Variants in WDR25 observed in about 807,000 individuals in gnomAD.
The protein encoded by WDR25 is WD repeat domain 25, also known as WD repeat-containing protein 25.
A neutral mutation model predicts 47.7 loss-of-function variants in WDR25; 35 were observed. That is an observed-to-expected ratio of 0.73 (90% CI 0.56 to 0.97). The LOEUF (loss-of-function observed/expected upper bound fraction) is 0.97. WDR25 is among the 50% of genes least tolerant of loss of function. The probability of loss-of-function intolerance (pLI) is 0.00; values close to 1 mark genes in which losing one functional copy is unlikely to be tolerated. For synonymous variants in WDR25, 248 were observed against 278.9 expected, an observed-to-expected ratio of 0.89 and a Z score of 1.10; for missense variants, 634 against 704.7, an observed-to-expected ratio of 0.90 and a Z score of 1.14.
chr14:100,398,888 AGCCTT>A (rs1897316156), intron 2 of WDR25, among the ~76,000 whole-genome samples: 1 of 150,890 alleles, frequency 6.6e-6, no homozygotes, highest in Admixed American at 6.6e-5. Flanking sequence ...AGGAGACCAG[AGCCTT>A]GAAGCTACAG....
intron 2 of WDR25, among the ~76,000 whole-genome samples, chr14:100,390,614 C>T (rs1486076336): frequency 6.6e-6 from 1 of 152,206 alleles, no homozygotes; most frequent in Non-Finnish European, 1.5e-5. Context: ...TGCTGCCAGC[C>T]TTCCGGCATC....
At chr14:100,414,248 G>A (rs192401917) in intron 2 of WDR25, among the ~76,000 whole-genome samples, 2 of 151,018 alleles carry the variant, frequency 1.3e-5, no homozygotes, top group Admixed American at 1.3e-4. Flanking sequence ...CGCCTGCCTT[G>A]GCCTCCCAAA....
At chr14:100,402,529 A>G (rs1897410960) in intron 2 of WDR25, among the ~76,000 whole-genome samples, 2 of 152,134 alleles carry the variant, frequency 1.3e-5, no homozygotes, top group Admixed American at 6.5e-5. Context: ...GCCAGGGGCC[A>G]GGGGTCCAAA....
chr14:100,497,806 C>A (rs1277347273), intron 4 of WDR25, among the ~76,000 whole-genome samples: 5 of 152,206 alleles, frequency 3.3e-5, no homozygotes, highest in African/African-American at 7.2e-5. Flanking sequence ...CCAAGCCCGA[C>A]TGGATTGTGT....
chr14:100,459,927 TATATATATATATACAC>T (rs1393417813), intron 2 of WDR25, among the ~76,000 whole-genome samples: 14 of 79,482 alleles, frequency 1.8e-4, no homozygotes, highest in African/African-American at 6.4e-4. Context: ...TATATATATA[TATATATATATATACAC>T]ATACACATAC....
rs776281569 is a variant in WDR25, at chr14:100,380,921, T to C, written c.-4T>C. On this transcript the variant is annotated 5_prime_UTR_variant, in exon 2 of 7. Transcript: ENST00000402312. ...TTGTTTGATCTTAGGTGGTTTGGCT[T>C]TGAATGACAGCAAGAACTCTGTCTT... The C allele has an allele frequency of 6.2e-7, 1 of 1,608,754 alleles. No homozygotes were observed. The highest frequency in any genetic ancestry group is 8.5e-7 in the Non-Finnish European group (1 of 1,175,494).
chr14:100,400,712 C>T (rs947006902), intron 2 of WDR25, among the ~76,000 whole-genome samples: 1 of 152,308 alleles, frequency 6.6e-6, no homozygotes, highest in African/African-American at 2.4e-5. Context: ...GGTCTTTCTG[C>T]ACTGGGGTCT....
intron 4 of WDR25, among the ~76,000 whole-genome samples, chr14:100,505,994 G>A (rs149889751): frequency 7.9e-4 from 121 of 152,228 alleles, no homozygotes; most frequent in African/African-American, 2.7e-3. Flanking sequence ...TTGAGGTTTC[G>A]GGTATGATTG....
At chr14:100,528,596 G>A (rs886699800) in intron 5 of WDR25, among the ~76,000 whole-genome samples, 3 of 152,122 alleles carry the variant, frequency 2.0e-5, no homozygotes, top group African/African-American at 7.2e-5. Flanking sequence ...GAGGCTGCAC[G>A]TGACTGCATT....
At chr14:100,519,929 A>G (rs1218554968) in intron 4 of WDR25, among the ~76,000 whole-genome samples, 1 of 143,806 alleles carries the variant, frequency 7.0e-6, no homozygotes, top group African/African-American at 2.5e-5. Flanking sequence ...TATATACTAT[A>G]TATACACTAT....
chr14:100,462,756 AGACCACTATG>A (rs1337031541), intron 2 of WDR25, among the ~76,000 whole-genome samples: 9 of 151,956 alleles, frequency 5.9e-5, no homozygotes, highest in Non-Finnish European at 1.2e-4. Flanking sequence ...TTCTTGCATG[AGACCACTATG>A]TTGCCCAAGC....
intron 4 of WDR25, among the ~76,000 whole-genome samples, chr14:100,520,733 C>T (rs902210412): frequency 6.6e-6 from 1 of 152,202 alleles, no homozygotes; most frequent in African/African-American, 2.4e-5. Context: ...CTAGCTCTGG[C>T]TGGCTGGGGA....
chr14:100,387,053 T>C (rs1435398756), intron 2 of WDR25, among the ~76,000 whole-genome samples: 1 of 151,730 alleles, frequency 6.6e-6, no homozygotes, highest in Admixed American at 6.6e-5. Flanking sequence ...GCTGTGTGAC[T>C]TTGGGAAAAT....
intron 2 of WDR25, among the ~76,000 whole-genome samples, chr14:100,464,714 C>T (rs934176975): frequency 3.5e-5 from 5 of 141,814 alleles, no homozygotes; most frequent in African/African-American, 1.3e-4. Context: ...CCTCCCCTAC[C>T]CCATCTCATC....
intron 2 of WDR25, among the ~76,000 whole-genome samples, chr14:100,414,530 C>T (rs1013922409): frequency 2.0e-5 from 3 of 151,848 alleles, no homozygotes; most frequent in African/African-American, 4.8e-5. Context: ...CCAGGCTGGT[C>T]TCGAACTCCT....
chr14:100,382,358 G>A (rs948903424), intron 2 of WDR25, among the ~76,000 whole-genome samples: 1 of 152,154 alleles, frequency 6.6e-6, no homozygotes, highest in Non-Finnish European at 1.5e-5. Flanking sequence ...GGGGATGGGG[G>A]CAGAAGGGCG....
At position 100,440,968 on chromosome 14, in the gene WDR25, G is replaced by C. The variant is rs1272942316; in HGVS notation, c.823-27053G>C. Among the ~76,000 whole-genome samples, 1 of 152,058 alleles carries C rather than the reference G, an allele frequency of 6.6e-6. No individual in the cohort carries two copies. The highest frequency in any genetic ancestry group is 6.5e-5 in the Admixed American group (1 of 15,270). Reference sequence around the variant, plus strand: ...TTAAAGATGCTGCTGCTGAATTTGTGTCAAAGTACCCGGTCCCTGGCATTT... The same window carrying C: ...TTAAAGATGCTGCTGCTGAATTTGTCTCAAAGTACCCGGTCCCTGGCATTT... On this transcript the variant is annotated intron_variant, in intron 2 of 6. Transcript: ENST00000402312. The surrounding 1 kb of genome is among the most constrained non-coding windows in gnomAD (Gnocchi z 4.4).
chr14:100,445,984 C>G (rs1169084494), intron 2 of WDR25, among the ~76,000 whole-genome samples: 1 of 152,196 alleles, frequency 6.6e-6, no homozygotes, highest in Non-Finnish European at 1.5e-5. Flanking sequence ...GCTGGCCATC[C>G]TGGTAGATGA....
chr14:100,389,516 G>A (rs1897092090), intron 2 of WDR25, among the ~76,000 whole-genome samples: 1 of 152,172 alleles, frequency 6.6e-6, no homozygotes, highest in Admixed American at 6.5e-5. Context: ...TCATATACTG[G>A]GGGGAGTGGA....
Sources: gnomAD v4.1 joint callset for allele counts (sites outside exome capture counted in the v4.1 genomes callset) on GRCh38, gnomAD v4.1.1 for gene constraint, Gnocchi (gnomAD v3.1) non-coding constraint, MANE v1.5 for transcripts, NCBI Gene and HGNC (gene_info 2026-07-23, HGNC 2026-07-21) for gene names.